ESYT3: variants seen among roughly 807,000 people sequenced by gnomAD.
The protein encoded by ESYT3 is extended synaptotagmin 3.
A neutral mutation model predicts 111.5 loss-of-function variants in ESYT3; 101 were observed. The observed-to-expected ratio is 0.91, with a 90% confidence interval of 0.77 to 1.07. The LOEUF (loss-of-function observed/expected upper bound fraction) is 1.07, where lower values mean the gene tolerates loss of function less well. Among genes scored for constraint, ESYT3 ranks in the 50% least tolerant of loss-of-function variants. ESYT3 has a pLI of 0.00. For missense variants in ESYT3, 1,097 were observed against 1,109.4 expected (o/e 0.99, Z 0.16); for synonymous variants, 416 against 446.8 (o/e 0.93, Z 0.87).
intron 2 of ESYT3, among the ~76,000 whole-genome samples, chr3:138,452,941 C>T (rs533793689): frequency 3.3e-4 from 51 of 152,322 alleles, no homozygotes; most frequent in African/African-American, 1.2e-3. Context: ...ATTCCCTAGC[C>T]GGGCATGGTA....
rs2108627362 is a variant in ESYT3, at chr3:138,470,873, C to T, written c.1591-4C>T. 1.2e-6 allele frequency: 2 copies of T among 1,614,058 alleles called. No homozygotes were observed. The highest frequency in any genetic ancestry group is 1.7e-5 in the Admixed American group (1 of 60,010). The stretch of plus-strand genomic sequence containing the variant: ...TCTTGTTTTGTGACTGGACCACTGC[C>T]CAGGTGCTTGATGATGACCAGGAGT... On this transcript the variant is annotated splice_polypyrimidine_tract_variant and splice_region_variant and intron_variant, in intron 16 of 22. Coordinates refer to ENST00000389567, the MANE Select transcript of ESYT3 (RefSeq NM_031913.5).
chr3:138,438,763 G>T (rs1156328189), intron 1 of ESYT3, among the ~76,000 whole-genome samples: 1 of 152,200 alleles, frequency 6.6e-6, no homozygotes, highest in East Asian at 1.9e-4. Context: ...AGACAATCCT[G>T]CTTCTCCTCC....
chr3:138,463,398 G>C (rs1176046614), intron 8 of ESYT3, among the ~76,000 whole-genome samples: 1 of 152,182 alleles, frequency 6.6e-6, no homozygotes, highest in East Asian at 1.9e-4. Flanking sequence ...CTGGCCCCCA[G>C]TGTGCTTTTA....
downstream of ESYT3, chr3:138,480,840 A>C (rs890451684): frequency 7.9e-5 from 12 of 152,300 alleles, no homozygotes; most frequent in African/African-American, 2.9e-4. Context: ...TCAACGCCAA[A>C]GTTCATTTTC....
At position 138,477,936 on chromosome 3, in the gene ESYT3, A is replaced by G. The variant is rs191150808; in HGVS notation, c.*1082A>G. On this transcript the variant is annotated 3_prime_UTR_variant, in exon 23 of 23. Coordinates refer to ENST00000389567, the MANE Select transcript of ESYT3 (RefSeq NM_031913.5). ...CAACATTCGAGAACAAAGTTTTGTC[A>G]TGTTACTCTTATTCCAGTTTCCTGC... 1 of 152,328 alleles carries G rather than the reference A, an allele frequency of 6.6e-6. No homozygotes were observed. The highest frequency in any genetic ancestry group is 1.5e-5 in the Non-Finnish European group (1 of 68,030). 9.4% of individuals were successfully genotyped at this position (152,328 alleles called of 1,614,324 possible).
At chr3:138,456,895 A>G (rs2032307683) in intron 3 of ESYT3, among the ~76,000 whole-genome samples, 1 of 152,116 alleles carries the variant, frequency 6.6e-6, no homozygotes, top group Admixed American at 6.5e-5. Context: ...AAGAACCTGG[A>G]GGGGGAAGCT....
At chr3:138,467,710 TC>T (rs765839297) in intron 11 of ESYT3, 101 bp downstream of exon 11, 174 of 1,099,814 alleles carry the variant, frequency 1.6e-4, no homozygotes, top group Non-Finnish European at 2.2e-4. Context: ...TATGCTGTGG[TC>T]CCCCTCTGTG....
intron 1 of ESYT3, among the ~76,000 whole-genome samples, chr3:138,439,703 C>T (rs1440504056): frequency 6.6e-6 from 1 of 152,172 alleles, no homozygotes; most frequent in Non-Finnish European, 1.5e-5. Flanking sequence ...GACTGGGCCC[C>T]TGTGAGGAGG....
intron 1 of ESYT3, among the ~76,000 whole-genome samples, chr3:138,437,832 T>C (rs2030837149): frequency 6.6e-6 from 1 of 152,044 alleles, no homozygotes; most frequent in South Asian, 2.1e-4. Context: ...TTCAGGGTGC[T>C]TTCTGGTTTA....
chr3:138,472,669 A>AAGAGTCC lies in ESYT3; in HGVS notation c.2050_2056dup (p.Ala686GlufsTer54). On this transcript the variant is annotated frameshift_variant, in exon 18 of 23. Coordinates refer to ENST00000389567, the MANE Select transcript of ESYT3 (RefSeq NM_031913.5). LOFTEE classifies it high-confidence loss of function. ...GTTCTGTGAGCCCATCGGGGAGAAG[A>AAGAGTCC]AGAGTCCAGCCACCATCTTCCTGAC... 6.2e-7 allele frequency: 1 copy of AAGAGTCC among 1,614,212 alleles called. No homozygotes were observed. Among genetic ancestry groups the AAGAGTCC allele is most frequent in the Non-Finnish European group, 8.5e-7 (1 of 1,180,044 alleles).
chr3:138,461,809 T>C (rs2108616704), intron 7 of ESYT3, among the ~76,000 whole-genome samples: 1 of 152,284 alleles, frequency 6.6e-6, no homozygotes. Flanking sequence ...GCCTTGCTCT[T>C]AGCCACTGTG....
chr3:138,446,192 G>T (rs1442053912), intron 1 of ESYT3, among the ~76,000 whole-genome samples: 1 of 152,228 alleles, frequency 6.6e-6, no homozygotes, highest in Non-Finnish European at 1.5e-5. Flanking sequence ...AAGGGCAGTT[G>T]CCTGCTAAAT....
At chr3:138,437,378 G>A (rs570975134) in intron 1 of ESYT3, among the ~76,000 whole-genome samples, 2 of 152,324 alleles carry the variant, frequency 1.3e-5, no homozygotes, top group Admixed American at 6.5e-5. Context: ...CTGCAGACTC[G>A]CCTGGCTGGC....
Position 138,468,132 on chromosome 3 carries a change from G to C in ESYT3, c.1246G>C (p.Gly416Arg). The change falls in exon 12 of 23, where the codon GGG becomes CGG. Residue 416 changes from glycine (G) to arginine (R), a missense_variant. By Grantham distance (125) the Gly-to-Arg change is moderately radical. Coordinates refer to ENST00000389567, the MANE Select transcript of ESYT3 (RefSeq NM_031913.5). ...GTTTGTCCTGAATGACACAACCAGCGGGCGGCTGCACCTGCGGCTGGAGTG... is the reference window on the plus strand; with the variant it reads ...GTTTGTCCTGAATGACACAACCAGCCGGCGGCTGCACCTGCGGCTGGAGTG... ...EWFVLNDTTS[G>R]RLHLRLEWLS... 6.2e-7 allele frequency: 1 copy of C among 1,614,148 alleles called. No homozygotes were observed. The highest frequency in any genetic ancestry group is 1.1e-5 in the South Asian group (1 of 91,082).
Position 138,452,061 on chromosome 3 carries a change from A to G in ESYT3, c.341A>G (p.Asp114Gly), listed in dbSNP as rs1372866380. The stretch of plus-strand genomic sequence containing the variant: ...CTTCTTTCCTAGATCCACTTCCCGG[A>G]CGTGGAGCGGGTCGAGTGGGCCAAC... ...QHLPAWIHFP[D>G]VERVEWANKI... Residue 114 changes from aspartate (D) to glycine (G), a missense_variant, in exon 2 of 23, where the codon GAC becomes GGC. Physicochemically the swap from Asp to Gly is moderately conservative, Grantham distance 94. Transcript: ENST00000389567. The G allele has an allele frequency of 6.2e-7, 1 of 1,606,880 alleles. No homozygotes were observed. The highest frequency in any genetic ancestry group is 2.2e-5 in the East Asian group (1 of 44,864).
rs2031550761 is a variant in ESYT3, at chr3:138,446,508, CAAAAG to C, written c.328-5536_328-5532del. Among the ~76,000 whole-genome samples the C allele has an allele frequency of 2.0e-5, 3 of 152,060 alleles. 1 individual carries two copies. In the South Asian group the frequency reaches 6.2e-4, roughly 32 times the overall value. On this transcript the variant is annotated intron_variant, in intron 1 of 22. Transcript: ENST00000389567. Reference sequence around the variant, plus strand: ...ATATGCAACTGGCCAAGTCTTGAAACAAAAGAAAGCTGAGATAGCAATTGTCATAT... The same window carrying C: ...ATATGCAACTGGCCAAGTCTTGAAACAAAGCTGAGATAGCAATTGTCATAT...
At chr3:138,448,249 A>G (rs1429403454) in intron 1 of ESYT3, among the ~76,000 whole-genome samples, 3 of 149,782 alleles carry the variant, frequency 2.0e-5, no homozygotes, top group Non-Finnish European at 4.4e-5. Flanking sequence ...CCTGGGCAAC[A>G]AAAATGAAAC....
intron 2 of ESYT3, among the ~76,000 whole-genome samples, chr3:138,452,698 C>T (rs771788015): frequency 2.6e-5 from 4 of 152,146 alleles, no homozygotes; most frequent in Non-Finnish European, 5.9e-5. Flanking sequence ...GGAGGCCTGC[C>T]CCTCCCTGAT....
intron 1 of ESYT3, among the ~76,000 whole-genome samples, chr3:138,441,683 C>A (rs2108592845): frequency 6.6e-6 from 1 of 152,322 alleles, no homozygotes; most frequent in Non-Finnish European, 1.5e-5. Flanking sequence ...TCTCTGGGAA[C>A]CTGGAGCTTG....
Sources: allele counts gnomAD v4.1 joint callset (sites outside exome capture counted in the v4.1 genomes callset), GRCh38; gene constraint gnomAD v4.1.1; transcripts MANE v1.5; gene names NCBI Gene and HGNC (gene_info 2026-07-23, HGNC 2026-07-21).